Variants in LARS2 observed in about 807,000 individuals in gnomAD.
LARS2 encodes leucyl-tRNA synthetase 2, mitochondrial.
Under a neutral mutation model 116.6 loss-of-function variants are expected in LARS2, and 81 were observed. The observed-to-expected ratio is 0.69, with a 90% CI of 0.58 to 0.84. The LOEUF is 0.84. Among genes scored for constraint, LARS2 ranks in the 40% least tolerant of loss-of-function variants. The pLI is 0.00. For missense variants in LARS2, 968 were observed against 1,114.5 expected, an observed-to-expected ratio of 0.87 and a Z score of 1.87; for synonymous variants, 396 against 407.2, an observed-to-expected ratio of 0.97 and a Z score of 0.33.
At position 45,518,128 on chromosome 3, in the gene LARS2, C is replaced by A. The variant is rs148008657; in HGVS notation, c.2214+56C>A. 3.5e-5 allele frequency: 51 copies of A among 1,449,674 alleles called. No individual in the cohort carries two copies. In the African/African-American group the frequency reaches 5.8e-4, roughly 16 times the overall value. 89.8% of individuals were successfully genotyped at this position (1,449,674 alleles called of 1,614,324 possible). On this transcript the variant is annotated intron_variant, in intron 18 of 21. Transcript: ENST00000645846. The stretch of plus-strand genomic sequence containing the variant: ...TCTGTAACCAAGCACTCTTTGGGAA[C>A]CTTTGCCTGTGGTCTTTGCTGCCCT...
Position 45,415,896 on chromosome 3 carries a change from GA to G in LARS2, c.364-1585del, listed in dbSNP as rs1559461420. 8.4e-3 allele frequency among the ~76,000 whole-genome samples: 684 copies of G among 80,994 alleles called. 13 individuals are homozygous for G. Among genetic ancestry groups the G allele is most frequent in the African/African-American group, 0.018 (405 of 22,546 alleles). 53.1% of individuals were successfully genotyped at this position (80,994 alleles called of 152,430 possible). On this transcript the variant is annotated intron_variant, in intron 4 of 21. Coordinates refer to ENST00000645846, the MANE Select transcript of LARS2 (RefSeq NM_015340.4). Reference sequence around the variant, plus strand: ...ATATATAGAGAGAGAGAGAGAGGGAGAGAGAGAGAGAGAGAGAGAGAGAGAG... The same window carrying G: ...ATATATAGAGAGAGAGAGAGAGGGAGGAGAGAGAGAGAGAGAGAGAGAGAG...
At chr3:45,461,535 TG>T (rs1699326188) in intron 8 of LARS2, among the ~76,000 whole-genome samples, 1 of 152,074 alleles carries the variant, frequency 6.6e-6, no homozygotes, top group Non-Finnish European at 1.5e-5. Flanking sequence ...ACTTTAACCA[TG>T]GGGACCATAG....
At chr3:45,469,088 G>A (rs1699480014) in intron 8 of LARS2, among the ~76,000 whole-genome samples, 1 of 152,160 alleles carries the variant, frequency 6.6e-6, no homozygotes, top group Non-Finnish European at 1.5e-5. Context: ...TTAGCAGGAT[G>A]CCTTGCTCCG....
chr3:45,513,576 C>T (rs142928146), intron 16 of LARS2, among the ~76,000 whole-genome samples: 7 of 152,286 alleles, frequency 4.6e-5, no homozygotes, highest in African/African-American at 1.7e-4. Context: ...CCCCCAGGCC[C>T]AAGACACATT....
chr3:45,540,746 G>GTCTGTCTGTCTGTCTA (rs763247398), intron 20 of LARS2, among the ~76,000 whole-genome samples: 2 of 149,112 alleles, frequency 1.3e-5, no homozygotes, highest in South Asian at 2.1e-4. Flanking sequence ...GTATCTATCT[G>GTCTGTCTGTCTGTCTA]TCTATCTATC....
intron 8 of LARS2, among the ~76,000 whole-genome samples, chr3:45,467,405 G>T (rs1424525423): frequency 1.3e-5 from 2 of 152,142 alleles, no homozygotes; most frequent in African/African-American, 2.4e-5. Flanking sequence ...TGTCAGATTT[G>T]CTCAAAATAG....
intron 10 of LARS2, among the ~76,000 whole-genome samples, chr3:45,478,389 G>C (rs1699648867): frequency 6.6e-6 from 1 of 152,182 alleles, no homozygotes; most frequent in Non-Finnish European, 1.5e-5. Context: ...GGACACAAAT[G>C]AAAATAAGGT....
intron 21 of LARS2, among the ~76,000 whole-genome samples, chr3:45,543,392 T>A (rs1187982504): frequency 6.6e-6 from 1 of 152,064 alleles, no homozygotes; most frequent in East Asian, 1.9e-4. Context: ...GCAGTCCTCT[T>A]GCCTCAGCCT....
intron 6 of LARS2, among the ~76,000 whole-genome samples, chr3:45,445,779 ACT>A (rs1180178037): frequency 1.3e-5 from 2 of 152,248 alleles, no homozygotes; most frequent in Non-Finnish European, 2.9e-5. Flanking sequence ...AAAATAGCCC[ACT>A]GGGGGCACAG....
intron 16 of LARS2, among the ~76,000 whole-genome samples, chr3:45,514,171 A>C (rs935049099): frequency 3.9e-5 from 6 of 151,900 alleles, no homozygotes; most frequent in Non-Finnish European, 8.8e-5. Context: ...ATGCCACTGC[A>C]CTCCAGCCTG....
rs138121304 is a variant in LARS2, at chr3:45,488,751, C to A, written c.1178C>A (p.Ala393Asp). Residue 393 changes from alanine to aspartate, a missense_variant, in exon 12 of 22, where the codon GCC (alanine) becomes GAC (aspartate). Coordinates refer to ENST00000645846, the MANE Select transcript of LARS2 (RefSeq NM_015340.4). ...ATCTTAGCCCAAACCCTGGGCCTGG[C>A]CTACTCTGAAGTCATTGAAACTTTG... Reference protein sequence around the residue: ...DTILAQTLGLAYSEVIETLPD... With the variant: ...DTILAQTLGLDYSEVIETLPD... 257 of 1,613,920 alleles carry A rather than the reference C, an allele frequency of 1.6e-4. No individual in the cohort carries two copies. Among genetic ancestry groups the A allele is most frequent in the Admixed American group, 7.0e-4 (42 of 60,026 alleles).
chr3:45,403,154 T>C (rs978906034), intron 4 of LARS2, among the ~76,000 whole-genome samples: 6 of 148,386 alleles, frequency 4.0e-5, no homozygotes, highest in African/African-American at 1.5e-4. Context: ...ACAGAATGAA[T>C]TGGCTCTTTG....
At chr3:45,408,099 G>A (rs774078460) in intron 4 of LARS2, among the ~76,000 whole-genome samples, 3 of 152,142 alleles carry the variant, frequency 2.0e-5, no homozygotes, top group Non-Finnish European at 4.4e-5. Flanking sequence ...ATAACCTCTG[G>A]CATTTTCCAG....
At chr3:45,489,023 C>T (rs892915090) in intron 12 of LARS2, among the ~76,000 whole-genome samples, 4 of 152,138 alleles carry the variant, frequency 2.6e-5, no homozygotes, top group South Asian at 4.1e-4. Context: ...AGAATGGTAT[C>T]GAAGTAACTA....
chr3:45,520,136 T>C (rs1000143166), intron 18 of LARS2, 83 bp from the exon 19 acceptor site: 14 of 933,244 alleles, frequency 1.5e-5, no homozygotes, highest in Non-Finnish European at 2.3e-5. Context: ...ATTTTCCTTT[T>C]TTTTTGTTTT....
At chr3:45,443,747 G>A (rs1327786740) in intron 6 of LARS2, among the ~76,000 whole-genome samples, 4 of 152,036 alleles carry the variant, frequency 2.6e-5, no homozygotes. Context: ...CGGAAGCAGT[G>A]GTTTTCAAGC....
chr3:45,415,774 G>T (rs1352010862), intron 4 of LARS2, among the ~76,000 whole-genome samples: 2 of 151,240 alleles, frequency 1.3e-5, no homozygotes, highest in Non-Finnish European at 2.9e-5. Flanking sequence ...CTTGAACCTG[G>T]GAGGTGGAGG....
chr3:45,419,745 T>C lies in LARS2; in HGVS notation c.516+16T>C, dbSNP rs1036191769. 3.8e-5 allele frequency: 61 copies of C among 1,607,106 alleles called. No individual in the cohort carries two copies. The highest frequency in any genetic ancestry group is 4.9e-5 in the Non-Finnish European group (58 of 1,173,704). On this transcript the variant is annotated intron_variant, in intron 6 of 21. Coordinates refer to ENST00000645846, the MANE Select transcript of LARS2 (RefSeq NM_015340.4). ...CTGGGATAGGGTAAGTCAACTCTTT[T>C]TCCTGAAAGGTCGTCATTTTAAGGA...
intron 7 of LARS2, among the ~76,000 whole-genome samples, chr3:45,454,176 G>T (rs527588111): frequency 7.6e-4 from 115 of 152,272 alleles, no homozygotes; most frequent in Non-Finnish European, 1.5e-3. Flanking sequence ...CACAAAATTA[G>T]GAGAATACTG....
Sources: allele counts gnomAD v4.1 joint callset (sites outside exome capture counted in the v4.1 genomes callset), GRCh38; gene constraint gnomAD v4.1.1; transcripts MANE v1.5; gene names NCBI Gene and HGNC (gene_info 2026-07-23, HGNC 2026-07-21).